RANBP2: variants seen among roughly 807,000 people sequenced by gnomAD.
RANBP2 encodes the protein E3 SUMO-protein ligase RanBP2.
In RANBP2, 57 loss-of-function variants were observed where a neutral mutation model predicts 303.6. The ratio of observed to expected loss-of-function variants is 0.19; its 90% CI spans 0.15 to 0.23. The LOEUF is 0.23. Ranked by LOEUF, RANBP2 falls within the 10% of genes least tolerant of loss-of-function variation. The pLI is 1.00. For missense variants in RANBP2, 3,138 were observed against 3,780.8 expected, an observed-to-expected ratio of 0.83 and a Z score of 4.46; for synonymous variants, 1,167 against 1,301.5, an observed-to-expected ratio of 0.90 and a Z score of 2.23.
the RANBP2 span, among the ~76,000 whole-genome samples, chr2:109,688,114 G>T: frequency 6.6e-6 from 1 of 152,110 alleles, no homozygotes; most frequent in South Asian, 2.1e-4. Context: ...AAACTGCTCC[G>T]CATGTGTGGC....
chr2:109,688,514 C>T, the RANBP2 span, among the ~76,000 whole-genome samples: 6 of 152,096 alleles, frequency 3.9e-5, no homozygotes, highest in African/African-American at 1.2e-4. Context: ...TGGCAGCTCA[C>T]GCCTGTAATC....
the RANBP2 span, among the ~76,000 whole-genome samples, chr2:109,224,194 T>C: frequency 5.3e-5 from 8 of 152,104 alleles, no homozygotes; most frequent in East Asian, 1.5e-3. Context: ...ATGGAGGGGG[T>C]GTGGGCATTG....
At chr2:109,253,894 TTTC>T in the RANBP2 span, among the ~76,000 whole-genome samples, 1 of 152,094 alleles carries the variant, frequency 6.6e-6, no homozygotes, top group East Asian at 1.9e-4. Context: ...TGAACTGCAT[TTTC>T]TTCTTTCTAA....
the RANBP2 span, among the ~76,000 whole-genome samples, chr2:108,848,079 A>G: frequency 6.6e-6 from 1 of 152,236 alleles, no homozygotes; most frequent in Non-Finnish European, 1.5e-5. Flanking sequence ...ACATTAAAGC[A>G]TAGATTCACT....
At chr2:108,943,318 G>A in the RANBP2 span, among the ~76,000 whole-genome samples, 7 of 152,152 alleles carry the variant, frequency 4.6e-5, no homozygotes, top group African/African-American at 1.7e-4. Flanking sequence ...AGAAACAGAG[G>A]GGAGGCTTTC....
At chr2:109,163,390 CTTTTTTTTTT>C in the RANBP2 span, among the ~76,000 whole-genome samples, 10 of 70,268 alleles carry the variant, frequency 1.4e-4, no homozygotes, top group East Asian at 5.1e-4. Context: ...AGCAAATATT[CTTTTTTTTTT>C]TTTTTTTTTT....
At chr2:109,003,416 CTTT>C in the RANBP2 span, among the ~76,000 whole-genome samples, 23 of 144,630 alleles carry the variant, frequency 1.6e-4, no homozygotes, top group African/African-American at 5.8e-4. Flanking sequence ...TTTTTTTCTT[CTTT>C]TTTTTTTTGA....
the RANBP2 span, among the ~76,000 whole-genome samples, chr2:108,858,650 G>A: frequency 6.6e-6 from 1 of 151,942 alleles, no homozygotes; most frequent in Non-Finnish European, 1.5e-5. Context: ...CTAGGTTTGA[G>A]ATTGGAAACC....
the RANBP2 span, among the ~76,000 whole-genome samples, chr2:109,442,324 A>G: frequency 6.6e-6 from 1 of 151,952 alleles, no homozygotes; most frequent in Non-Finnish European, 1.5e-5. Flanking sequence ...AAAAAAAAAA[A>G]AAGAAAAAAT....
chr2:108,753,645 G>A lies in RANBP2; in HGVS notation c.2055+82G>A, dbSNP rs552610808. 1.1e-3 allele frequency: 1,691 copies of A among 1,590,686 alleles called. 16 individuals are homozygous for A. In the African/African-American group the frequency reaches 0.02, roughly 19 times the overall value. On this transcript the variant is annotated intron_variant, in intron 14 of 28. Transcript: ENST00000283195. Reference sequence around the variant, plus strand: ...AAAAGACGGGGTTTCTCTGTTGGTCGGGCTAGAGTGCAGTGGCACAATCTT... The same window carrying A: ...AAAAGACGGGGTTTCTCTGTTGGTCAGGCTAGAGTGCAGTGGCACAATCTT...
chr2:109,424,215 G>A, the RANBP2 span, among the ~76,000 whole-genome samples: 1 of 152,324 alleles, frequency 6.6e-6, no homozygotes, highest in Non-Finnish European at 1.5e-5. Context: ...ACAGCCCTGC[G>A]GAGTTTCCCC....
intron 7 of RANBP2, among the ~76,000 whole-genome samples, chr2:108,743,382 C>T (rs1386146585): frequency 6.6e-6 from 1 of 152,184 alleles, no homozygotes; most frequent in African/African-American, 2.4e-5. Context: ...TGATCCTCTC[C>T]TGCTTCAGCC....
intron 20 of RANBP2, among the ~76,000 whole-genome samples, chr2:108,768,665 A>C (rs989406255): frequency 3.3e-5 from 5 of 152,186 alleles, no homozygotes; most frequent in African/African-American, 1.2e-4. Flanking sequence ...TCATGCTTGA[A>C]TCATGCACAT....
the RANBP2 span, among the ~76,000 whole-genome samples, chr2:109,661,246 CTTT>C: frequency 2.5e-4 from 35 of 137,716 alleles, no homozygotes; most frequent in South Asian, 4.8e-4. Flanking sequence ...AGTAGAAGGG[CTTT>C]TTTTTTTTTT....
chr2:108,988,610 G>C, the RANBP2 span, among the ~76,000 whole-genome samples: 1 of 152,084 alleles, frequency 6.6e-6, no homozygotes, highest in Non-Finnish European at 1.5e-5. Context: ...CCAGTGAGCC[G>C]GGCACAGGGG....
chr2:109,204,994 A>G, the RANBP2 span, among the ~76,000 whole-genome samples: 123,811 of 152,102 alleles, frequency 0.81, 50,464 homozygotes, highest in East Asian at 0.9. Context: ...GATCACTTGA[A>G]GCCAGGAGGT....
the RANBP2 span, among the ~76,000 whole-genome samples, chr2:109,255,093 CATG>C: frequency 1.3e-5 from 2 of 152,162 alleles, no homozygotes; most frequent in African/African-American, 2.4e-5. Context: ...GTACCCGTGT[CATG>C]GTGGTGGGAG....
At chr2:108,815,935 A>G in the RANBP2 span, 1 of 1,594,642 alleles carries the variant, frequency 6.3e-7, no homozygotes, top group African/African-American at 1.4e-5. Flanking sequence ...AATTTTTGAC[A>G]TATAGGTACC....
chr2:109,412,373 C>T, the RANBP2 span, among the ~76,000 whole-genome samples: 2 of 152,236 alleles, frequency 1.3e-5, no homozygotes, highest in Non-Finnish European at 2.9e-5. Flanking sequence ...GTGGCCCCAG[C>T]GTGGCTCTGG....
Sources: allele counts gnomAD v4.1 joint callset (sites outside exome capture counted in the v4.1 genomes callset), GRCh38; gene constraint gnomAD v4.1.1; transcripts MANE v1.5; gene names NCBI Gene and HGNC (gene_info 2026-07-23, HGNC 2026-07-21).